DTNBP1: variants seen among roughly 807,000 people sequenced by gnomAD.
The protein encoded by DTNBP1 is dystrobrevin binding protein 1.
DTNBP1 carries 35 observed loss-of-function variants against 42.8 expected under a neutral mutation model. The ratio of observed to expected loss-of-function variants is 0.82; its 90% CI spans 0.63 to 1.09. The LOEUF is 1.09. DTNBP1 is among the 50% of genes least tolerant of loss of function. DTNBP1 has a pLI of 0.00. For synonymous variants in DTNBP1, 171 were observed against 162.2 expected, an observed-to-expected ratio of 1.05 and a Z score of -0.41; for missense variants, 457 against 424.2, an observed-to-expected ratio of 1.08 and a Z score of -0.68.
chr6:15,577,396 G>A (rs975847665), intron 7 of DTNBP1, among the ~76,000 whole-genome samples: 1 of 152,262 alleles, frequency 6.6e-6, no homozygotes, highest in African/African-American at 2.4e-5. Flanking sequence ...GCAGCCCAGA[G>A]GAGAGACAAC....
chr6:15,604,808 T>C (rs1436645178), intron 6 of DTNBP1, among the ~76,000 whole-genome samples: 3 of 152,126 alleles, frequency 2.0e-5, no homozygotes, highest in Non-Finnish European at 4.4e-5. Flanking sequence ...TTAACTATAG[T>C]AGATATATAA....
intron 5 of DTNBP1, among the ~76,000 whole-genome samples, chr6:15,620,410 ACTC>A (rs1328891321): frequency 9.9e-5 from 15 of 151,778 alleles, no homozygotes; most frequent in African/African-American, 3.6e-4. Context: ...CTGGTCTTGA[ACTC>A]CTGGGCTTGA....
intron 6 of DTNBP1, 188 bp downstream of exon 6, chr6:15,615,079 T>C (rs1462079215): frequency 1.2e-6 from 1 of 855,916 alleles, no homozygotes; most frequent in Non-Finnish European, 1.9e-6. Context: ...TCCTGAGTTT[T>C]TTATAACTCA....
At chr6:15,622,455 G>A (rs563205504) in intron 5 of DTNBP1, among the ~76,000 whole-genome samples, 6 of 152,240 alleles carry the variant, frequency 3.9e-5, no homozygotes, top group African/African-American at 1.2e-4. Context: ...TGTGTATTCC[G>A]AATATTTTAT....
intron 7 of DTNBP1, among the ~76,000 whole-genome samples, chr6:15,581,530 G>A (rs1276659147): frequency 7.1e-6 from 1 of 141,234 alleles, no homozygotes; most frequent in Admixed American, 7.5e-5. Flanking sequence ...ACCCAGGCTG[G>A]AGTGCAGTGG....
intron 7 of DTNBP1, among the ~76,000 whole-genome samples, chr6:15,577,275 G>A (rs770536305): frequency 3.9e-5 from 6 of 152,234 alleles, no homozygotes; most frequent in Admixed American, 2.0e-4. Flanking sequence ...GCCAGGACTC[G>A]GGAGGTATTC....
intron 7 of DTNBP1, among the ~76,000 whole-genome samples, chr6:15,534,180 T>TGG (rs921374537): frequency 9.1e-4 from 138 of 152,140 alleles, no homozygotes; most frequent in African/African-American, 3.1e-3. Context: ...GGAGAGGGCG[T>TGG]GGGAGCTTAG....
At chr6:15,616,256 C>T (rs1175318880) in intron 5 of DTNBP1, among the ~76,000 whole-genome samples, 2 of 152,152 alleles carry the variant, frequency 1.3e-5, no homozygotes, top group African/African-American at 2.4e-5. Flanking sequence ...TTTTCTTATA[C>T]GAAAGAAAAG....
At chr6:15,554,658 T>C (rs545186594) in intron 7 of DTNBP1, among the ~76,000 whole-genome samples, 1 of 152,300 alleles carries the variant, frequency 6.6e-6, no homozygotes, top group Non-Finnish European at 1.5e-5. Context: ...CATGTACATA[T>C]TCAATAAACT....
intron 7 of DTNBP1, among the ~76,000 whole-genome samples, chr6:15,571,881 A>G (rs1040653739): frequency 6.6e-5 from 10 of 152,106 alleles, no homozygotes; most frequent in African/African-American, 2.4e-4. Context: ...ATATCTTCAA[A>G]TTTTTCCCAA....
At chr6:15,609,047 T>A (rs1310062973) in intron 6 of DTNBP1, among the ~76,000 whole-genome samples, 1 of 152,214 alleles carries the variant, frequency 6.6e-6, no homozygotes, top group East Asian at 1.9e-4. Flanking sequence ...AAACTCCTAG[T>A]ACTCAAACAT....
At chr6:15,582,118 T>A (rs990218321) in intron 7 of DTNBP1, among the ~76,000 whole-genome samples, 8 of 152,216 alleles carry the variant, frequency 5.3e-5, no homozygotes, top group Admixed American at 1.3e-4. Flanking sequence ...ACTTAGCTAT[T>A]CAAAGTTTGC....
Position 15,610,674 on chromosome 6 carries a change from A to G in DTNBP1, c.488+4593T>C, listed in dbSNP as rs6908476. 4.5e-3 allele frequency among the ~76,000 whole-genome samples: 688 copies of G among 152,340 alleles called. 5 individuals carry two copies. Among genetic ancestry groups the G allele is most frequent in the African/African-American group, 0.016 (664 of 41,576 alleles). ...ATGAACACATGAACGATAAGAAAAC[A>G]AACCCACCGTATTGCTTATATGGAG... On this transcript the variant is annotated intron_variant, in intron 6 of 9. Coordinates refer to ENST00000344537, the MANE Select transcript of DTNBP1 (RefSeq NM_032122.5).
chr6:15,636,157 CT>C lies in DTNBP1; in HGVS notation c.222+1586del, dbSNP rs70996562. ...GTCAAAGAACACAAATTACCTGCAC[CT>C]TTTTTTTTTTTTTTGAGACAGAGTT... On this transcript the variant is annotated intron_variant, in intron 4 of 9. Transcript: ENST00000344537. Among the ~76,000 whole-genome samples, 374 of 126,936 alleles carry C rather than the reference CT, an allele frequency of 2.9e-3. 2 individuals carry two copies. The highest frequency in any genetic ancestry group is 0.024 in the South Asian group (95 of 3,954). 83.3% of individuals were successfully genotyped at this position (126,936 alleles called of 152,430 possible).
chr6:15,656,383 T>C (rs1424518385), intron 1 of DTNBP1, among the ~76,000 whole-genome samples: 1 of 152,198 alleles, frequency 6.6e-6, no homozygotes, highest in Non-Finnish European at 1.5e-5. Flanking sequence ...AAATTCGTCA[T>C]AAAGTTCAAT....
intron 6 of DTNBP1, among the ~76,000 whole-genome samples, chr6:15,603,749 C>T (rs1776820048): frequency 6.6e-6 from 1 of 152,204 alleles, no homozygotes; most frequent in Non-Finnish European, 1.5e-5. Context: ...ATTACACATC[C>T]TACTGAGGCA....
chr6:15,568,863 C>T (rs990293651), intron 7 of DTNBP1, among the ~76,000 whole-genome samples: 6 of 152,140 alleles, frequency 3.9e-5, no homozygotes, highest in African/African-American at 9.7e-5. Flanking sequence ...GTCAGGCTTC[C>T]GCTCAATAGT....
intron 7 of DTNBP1, among the ~76,000 whole-genome samples, chr6:15,583,570 C>T (rs1775928646): frequency 1.3e-5 from 2 of 152,178 alleles, no homozygotes; most frequent in South Asian, 4.1e-4. Context: ...ATTCAACAGA[C>T]AAAGTCTCTT....
At chr6:15,602,097 A>G (rs1247132422) in intron 6 of DTNBP1, among the ~76,000 whole-genome samples, 1 of 152,142 alleles carries the variant, frequency 6.6e-6, no homozygotes, top group African/African-American at 2.4e-5. Context: ...AAACAAAACA[A>G]AACAAAAAAC....
Sources: gnomAD v4.1 joint callset for allele counts (sites outside exome capture counted in the v4.1 genomes callset) on GRCh38, gnomAD v4.1.1 for gene constraint, MANE v1.5 for transcripts, NCBI Gene and HGNC (gene_info 2026-07-23, HGNC 2026-07-21) for gene names.